Variants in CNTFR observed in about 807,000 individuals in gnomAD.
The protein encoded by CNTFR is ciliary neurotrophic factor receptor.
A neutral mutation model predicts 40.4 loss-of-function variants in CNTFR; 12 were observed. The ratio of observed to expected loss-of-function variants is 0.30; its 90% CI spans 0.19 to 0.48. CNTFR has a LOEUF of 0.48. Ranked by LOEUF, CNTFR falls within the 20% of genes least tolerant of loss-of-function variation. CNTFR has a pLI of 0.99. For missense variants in CNTFR, 414 were observed against 506.8 expected, an observed-to-expected ratio of 0.82 and a Z score of 1.76; for synonymous variants, 202 against 209.6, an observed-to-expected ratio of 0.96 and a Z score of 0.31.
chr9:34,577,363 C>CCTAAAGCCATAA (rs1827028349), intron 2 of CNTFR, among the ~76,000 whole-genome samples: 3 of 152,128 alleles, frequency 2.0e-5, no homozygotes, highest in Non-Finnish European at 4.4e-5. Flanking sequence ...GCCATAAAGC[C>CCTAAAGCCATAA]AGGTGATAGG....
At position 34,568,963 on chromosome 9, in the gene CNTFR, A is replaced by G; in HGVS notation, c.19T>C (p.Trp7Arg). The change falls in exon 3 of 10, where the codon TGG becomes CGG. Residue 7 changes from tryptophan to arginine, a missense_variant. Physicochemically the swap from Trp to Arg is moderately radical, Grantham distance 101 (BLOSUM62 -3). Transcript: ENST00000378980. MAAPVP[W>R]ACCAVLAAAA... ...GCGGCAAGCACAGCACAGCAGGCCC[A>G]CGGGACAGGAGCAGCCATCTGTTGG... 4 of 1,597,482 alleles carry G rather than the reference A, an allele frequency of 2.5e-6. No homozygotes were observed. The highest frequency in any genetic ancestry group is 3.4e-6 in the Non-Finnish European group (4 of 1,172,378).
rs531353083 is a variant in CNTFR at position 34,580,438 on chromosome 9, C to T, written c.-1+657G>A. Among the ~76,000 whole-genome samples the T allele has an allele frequency of 6.6e-5, 10 of 152,332 alleles. 2 individuals are homozygous for T. Among genetic ancestry groups the T allele is most frequent in the Admixed American group, 6.5e-4 (10 of 15,310 alleles). ...TACCCCACTCCACCCTCAACAACAACCTGGTCCTAGTTGTGAAGGGTTAGT... is the reference window on the plus strand; with the variant it reads ...TACCCCACTCCACCCTCAACAACAATCTGGTCCTAGTTGTGAAGGGTTAGT... On this transcript the variant is annotated intron_variant, in intron 2 of 9. Coordinates refer to ENST00000378980, the MANE Select transcript of CNTFR (RefSeq NM_147164.3).
At chr9:34,574,449 C>T (rs1826853459) in intron 2 of CNTFR, among the ~76,000 whole-genome samples, 1 of 152,236 alleles carries the variant, frequency 6.6e-6, no homozygotes, top group African/African-American at 2.4e-5. Flanking sequence ...TTTACCTCCT[C>T]CTGGGCTACC....
chr9:34,568,843 G>A (rs1826433495), intron 3 of CNTFR, 54 bp downstream of exon 3: 1 of 1,482,238 alleles, frequency 6.7e-7, no homozygotes, highest in Non-Finnish European at 9.2e-7. Context: ...GCCAGTGAGG[G>A]TTCATGCCCA....
intron 3 of CNTFR, among the ~76,000 whole-genome samples, chr9:34,567,815 C>A (rs1826377461): frequency 6.6e-6 from 1 of 152,148 alleles, no homozygotes; most frequent in Admixed American, 6.5e-5. Context: ...ACACTCTCAC[C>A]CTCACAAGAA....
intron 3 of CNTFR, 83 bp from the exon 4 acceptor site, chr9:34,564,915 C>A (rs1826220227): frequency 3.3e-6 from 4 of 1,206,332 alleles, no homozygotes; most frequent in Non-Finnish European, 4.8e-6. Flanking sequence ...CAGACAAGAG[C>A]CTGTGAGGAT....
intron 4 of CNTFR, among the ~76,000 whole-genome samples, chr9:34,561,550 CAAG>C (rs1440200575): frequency 6.6e-6 from 1 of 152,144 alleles, no homozygotes; most frequent in African/African-American, 2.4e-5. Context: ...CACTTGAGAG[CAAG>C]AAGGTGGATC....
chr9:34,564,214 C>T (rs1826185896), intron 4 of CNTFR, among the ~76,000 whole-genome samples: 1 of 152,198 alleles, frequency 6.6e-6, no homozygotes, highest in South Asian at 2.1e-4. Context: ...TCCCTGAGGC[C>T]CTCTGACTAG....
intron 4 of CNTFR, among the ~76,000 whole-genome samples, chr9:34,558,253 G>A (rs1825930407): frequency 6.6e-6 from 1 of 152,222 alleles, no homozygotes; most frequent in African/African-American, 2.4e-5. Context: ...GCAGGGGGCT[G>A]CGGGCCTCAA....
At chr9:34,587,582 C>T (rs1229456434) in intron 1 of CNTFR, among the ~76,000 whole-genome samples, 3 of 152,062 alleles carry the variant, frequency 2.0e-5, no homozygotes, top group African/African-American at 7.3e-5. Flanking sequence ...CTCCAGGGTC[C>T]CCGTGTGAGT....
chr9:34,561,744 G>A (rs147068801), intron 4 of CNTFR, among the ~76,000 whole-genome samples: 201 of 152,348 alleles, frequency 1.3e-3, no homozygotes, highest in African/African-American at 4.4e-3. Flanking sequence ...GAGCTGGCAG[G>A]AAGGATAATT....
intron 2 of CNTFR, chr9:34,580,162 G>C (rs116691371): frequency 5.2e-5 from 8 of 152,396 alleles, no homozygotes; most frequent in African/African-American, 1.9e-4. Flanking sequence ...TCTCAGCCCA[G>C]TAGCACACTT....
At chr9:34,586,084 A>G (rs370919707) in intron 1 of CNTFR, among the ~76,000 whole-genome samples, 2 of 152,222 alleles carry the variant, frequency 1.3e-5, no homozygotes, top group Admixed American at 6.5e-5. Context: ...GTGGGCTCCC[A>G]TGGGGGAAGA....
rs1369893991 is a variant in CNTFR at position 34,552,468 on chromosome 9, C to G, written c.950-139G>C. 1.8e-6 allele frequency: 2 copies of G among 1,101,032 alleles called. No individual in the cohort carries two copies. Among genetic ancestry groups the G allele is most frequent in the African/African-American group, 3.2e-5 (2 of 63,316 alleles). The allele number at this position is 1,101,032 out of a possible 1,614,324, so 68.2% of individuals were successfully genotyped here. A position where few individuals can be genotyped will look rare whatever the true frequency, so the allele number is the denominator to read the frequency against. On this transcript the variant is annotated intron_variant, in intron 8 of 9. Coordinates refer to ENST00000378980, the MANE Select transcript of CNTFR (RefSeq NM_147164.3). This position sits in a 1 kb window ranked among gnomAD's most constrained non-coding sequence, Gnocchi z 5.1. ...ATCAGGCAGATCCTGTTTCCCAAGG[C>G]TCACAGATAACCCCTCCACCCAATG...
chr9:34,553,002 G>A, intron 7 of CNTFR, 148 bp from the exon 8 acceptor site: 1 of 709,380 alleles, frequency 1.4e-6, no homozygotes, highest in African/African-American at 1.8e-5. Flanking sequence ...AGGAGGACAT[G>A]GAGAATATTC....
chr9:34,558,094 T>C (rs1298813554), intron 4 of CNTFR, 110 bp from the exon 5 acceptor site: 1 of 730,334 alleles, frequency 1.4e-6, no homozygotes, highest in Non-Finnish European at 2.1e-6. Flanking sequence ...AACCCATCAT[T>C]GATGCCAAAG....
At chr9:34,568,805 C>T in intron 3 of CNTFR, 92 bp downstream of exon 3, 2 of 1,173,288 alleles carry the variant, frequency 1.7e-6, no homozygotes, top group Non-Finnish European at 2.5e-6. Context: ...CAGTGTGTGA[C>T]TCTTGGGTAG....
intron 2 of CNTFR, among the ~76,000 whole-genome samples, chr9:34,572,175 CTGCCCT>C (rs1826693434): frequency 6.6e-6 from 1 of 151,898 alleles, no homozygotes; most frequent in South Asian, 2.1e-4. Context: ...GCCCCTGCCC[CTGCCCT>C]GCCCCTGCAG....
intron 4 of CNTFR, 137 bp downstream of exon 4, chr9:34,564,462 C>G: frequency 1.2e-6 from 1 of 851,058 alleles, no homozygotes; most frequent in Non-Finnish European, 1.9e-6. Flanking sequence ...CGGGCCAGGA[C>G]AAAATCAGAG....
Sources: allele counts gnomAD v4.1 joint callset (sites outside exome capture counted in the v4.1 genomes callset), GRCh38; gene constraint gnomAD v4.1.1; non-coding constraint Gnocchi (gnomAD v3.1); transcripts MANE v1.5; gene names NCBI Gene and HGNC (gene_info 2026-07-23, HGNC 2026-07-21).